Variants in CPQ observed in about 807,000 individuals in gnomAD.
CPQ encodes Ser-Met dipeptidase.
CPQ carries 37 observed loss-of-function variants against 45.7 expected under a neutral mutation model. The ratio of observed to expected loss-of-function variants is 0.81; its 90% CI spans 0.62 to 1.07. The LOEUF is 1.07. CPQ is among the 50% of genes least tolerant of loss of function. The probability of loss-of-function intolerance (pLI) is 0.00; values close to 1 mark genes in which losing one functional copy is unlikely to be tolerated. For missense variants in CPQ, 537 were observed against 572.9 expected (o/e 0.94, Z 0.64); for synonymous variants, 186 against 205.8 (o/e 0.90, Z 0.82).
intron 1 of CPQ, among the ~76,000 whole-genome samples, chr8:96,691,562 T>C (rs1490354004): frequency 3.9e-5 from 6 of 152,210 alleles, no homozygotes; most frequent in East Asian, 1.9e-4. Flanking sequence ...GTAACACTGT[T>C]CTGGGGGTTT....
chr8:97,134,705 A>G (rs558645095), intron 7 of CPQ, among the ~76,000 whole-genome samples: 1 of 152,356 alleles, frequency 6.6e-6, no homozygotes, highest in South Asian at 2.1e-4. Context: ...TGAAGAAGGT[A>G]CAGAGCATGG....
chr8:96,851,401 G>A (rs1270446635), intron 3 of CPQ, among the ~76,000 whole-genome samples: 3 of 152,158 alleles, frequency 2.0e-5, no homozygotes, highest in Admixed American at 6.5e-5. Flanking sequence ...ATAAAGAATA[G>A]ATCTTTATTT....
intron 7 of CPQ, among the ~76,000 whole-genome samples, chr8:97,067,068 G>A (rs1314367760): frequency 6.6e-6 from 1 of 151,556 alleles, no homozygotes; most frequent in Non-Finnish European, 1.5e-5. Flanking sequence ...CTGGGATTAT[G>A]AGTGTGCACC....
chr8:97,004,692 A>T (rs28631213), intron 5 of CPQ, among the ~76,000 whole-genome samples: 21,468 of 152,132 alleles, frequency 0.14, 3,435 homozygotes, highest in African/African-American at 0.39. Context: ...CATCCTTAAA[A>T]GGAATATTTC....
At chr8:97,087,976 G>T (rs1811068326) in intron 7 of CPQ, among the ~76,000 whole-genome samples, 1 of 152,110 alleles carries the variant, frequency 6.6e-6, no homozygotes, top group South Asian at 2.1e-4. Context: ...TATTGGAAAT[G>T]CTTTTTTTAT....
At chr8:96,714,419 A>G (rs1036146752) in intron 1 of CPQ, among the ~76,000 whole-genome samples, 4 of 152,076 alleles carry the variant, frequency 2.6e-5, no homozygotes, top group African/African-American at 4.8e-5. Flanking sequence ...TACTTGGTCT[A>G]TTCTACTTTT....
chr8:96,808,398 A>G (rs550187375), intron 2 of CPQ, among the ~76,000 whole-genome samples: 31 of 152,164 alleles, frequency 2.0e-4, no homozygotes, highest in Non-Finnish European at 4.1e-4. Context: ...GAGCATGGAA[A>G]GTCCCCTCGT....
At chr8:96,910,145 C>A (rs1364296017) in intron 4 of CPQ, among the ~76,000 whole-genome samples, 1 of 152,154 alleles carries the variant, frequency 6.6e-6, no homozygotes, top group African/African-American at 2.4e-5. Context: ...AAATCCTAGC[C>A]ATTGTGTGGC....
chr8:97,123,174 A>AATAAAATAAAATAT (rs1563587322), intron 7 of CPQ, among the ~76,000 whole-genome samples: 9 of 60,140 alleles, frequency 1.5e-4, no homozygotes, highest in African/African-American at 5.5e-4. Context: ...AAATAAAATA[A>AATAAAATAAAATAT]AATATAAAAT....
At chr8:96,818,601 C>G (rs1470842493) in intron 2 of CPQ, among the ~76,000 whole-genome samples, 1 of 152,048 alleles carries the variant, frequency 6.6e-6, no homozygotes, top group African/African-American at 2.4e-5. Context: ...ACCTGACTAC[C>G]CATTTGCCTG....
chr8:97,037,109 A>G (rs1047139004), intron 6 of CPQ, among the ~76,000 whole-genome samples: 1 of 152,252 alleles, frequency 6.6e-6, no homozygotes, highest in African/African-American at 2.4e-5. Context: ...CTTTATGTAT[A>G]GAAATACACT....
chr8:96,745,636 A>C (rs1810169710), intron 1 of CPQ, among the ~76,000 whole-genome samples: 1 of 152,212 alleles, frequency 6.6e-6, no homozygotes, highest in Admixed American at 6.5e-5. Context: ...ACTTGAAGTC[A>C]AACAACTAGT....
At chr8:97,060,883 C>A (rs369945974) in intron 6 of CPQ, among the ~76,000 whole-genome samples, 4 of 152,116 alleles carry the variant, frequency 2.6e-5, no homozygotes, top group African/African-American at 9.7e-5. Context: ...TTCTAACATC[C>A]CAGTGACAGC....
chr8:96,869,563 T>C (rs1176843416), intron 3 of CPQ, among the ~76,000 whole-genome samples: 1 of 152,082 alleles, frequency 6.6e-6, no homozygotes, highest in Non-Finnish European at 1.5e-5. Flanking sequence ...ATATTTGTGA[T>C]CGAGTCTGTG....
At chr8:96,898,217 G>A (rs1488182663) in intron 4 of CPQ, among the ~76,000 whole-genome samples, 1 of 152,152 alleles carries the variant, frequency 6.6e-6, no homozygotes, top group African/African-American at 2.4e-5. Context: ...ATCCTGGGCA[G>A]TTCAGAATCT....
At chr8:96,703,537 G>T (rs992177038) in intron 1 of CPQ, among the ~76,000 whole-genome samples, 6 of 152,022 alleles carry the variant, frequency 3.9e-5, no homozygotes, top group Admixed American at 1.3e-4. Context: ...ATGTGTGTGT[G>T]TGTTTTTCTT....
intron 6 of CPQ, among the ~76,000 whole-genome samples, chr8:97,039,999 G>C (rs1359874656): frequency 2.6e-5 from 4 of 152,008 alleles, no homozygotes; most frequent in Admixed American, 6.6e-5. Context: ...TATATACCCA[G>C]TAATGGGATG....
At chr8:97,000,540 A>C (rs994043398) in intron 5 of CPQ, among the ~76,000 whole-genome samples, 1 of 152,178 alleles carries the variant, frequency 6.6e-6, no homozygotes, top group Non-Finnish European at 1.5e-5. Context: ...GTTGAAGATC[A>C]GATGATTGTA....
At chr8:96,724,154 G>C (rs573960615) in intron 1 of CPQ, among the ~76,000 whole-genome samples, 1 of 151,490 alleles carries the variant, frequency 6.6e-6, no homozygotes, top group East Asian at 1.9e-4. Flanking sequence ...CTCTCTCCCT[G>C]CCCCCTTGCT....
Sources: allele counts gnomAD v4.1 joint callset (sites outside exome capture counted in the v4.1 genomes callset), GRCh38; gene constraint gnomAD v4.1.1; transcripts MANE v1.5; gene names NCBI Gene and HGNC (gene_info 2026-07-23, HGNC 2026-07-21).